Variants in CPM observed in about 807,000 individuals in gnomAD.
The protein encoded by CPM is carboxypeptidase M.
CPM carries 35 observed loss-of-function variants against 46.4 expected under a neutral mutation model. That is an observed-to-expected ratio of 0.75 (90% CI 0.58 to 1.00). The LOEUF (loss-of-function observed/expected upper bound fraction) is 1.00, where lower values mean the gene tolerates loss of function less well. Among genes scored for constraint, CPM ranks in the 50% least tolerant of loss-of-function variants. The probability of loss-of-function intolerance (pLI) is 0.00; values close to 1 mark genes in which losing one functional copy is unlikely to be tolerated. For missense variants in CPM, 422 were observed against 530.4 expected, an observed-to-expected ratio of 0.80 and a Z score of 2.01; for synonymous variants, 195 against 195.3, an observed-to-expected ratio of 1.00 and a Z score of 0.01.
At chr12:68,940,891 A>T (rs907832209) in intron 1 of CPM, among the ~76,000 whole-genome samples, 12 of 152,238 alleles carry the variant, frequency 7.9e-5, no homozygotes, top group Non-Finnish European at 1.8e-4. Flanking sequence ...TGTACAGTGC[A>T]GTTGTGTTAA....
intron 1 of CPM, 67 bp from the exon 2 acceptor site, chr12:68,932,907 C>T: frequency 1.4e-6 from 2 of 1,441,786 alleles, no homozygotes; most frequent in Non-Finnish European, 1.9e-6. Context: ...TCACCAGCTA[C>T]GTCTCGGTAC....
chr12:68,896,627 C>A (rs150634940), intron 2 of CPM, among the ~76,000 whole-genome samples: 2 of 152,076 alleles, frequency 1.3e-5, no homozygotes, highest in Admixed American at 1.3e-4. Flanking sequence ...CTGGAAAGAA[C>A]CCAGTTTTCT....
intron 2 of CPM, among the ~76,000 whole-genome samples, chr12:68,894,307 C>T (rs148008945): frequency 2.0e-5 from 3 of 152,148 alleles, no homozygotes; most frequent in Non-Finnish European, 4.4e-5. Flanking sequence ...CGGTGCCTGG[C>T]GCACTGTAGG....
At chr12:68,930,432 T>G (rs968236042) in intron 2 of CPM, among the ~76,000 whole-genome samples, 2 of 152,146 alleles carry the variant, frequency 1.3e-5, no homozygotes, top group East Asian at 1.9e-4. Context: ...GGCAGAATGG[T>G]TAGGGAAAAT....
chr12:68,958,455 G>A lies in CPM; in HGVS notation c.-4+4714C>T, dbSNP rs911703526. 2.0e-5 allele frequency among the ~76,000 whole-genome samples: 3 copies of A among 151,950 alleles called. No homozygotes were observed. The South Asian group carries it at 6.3e-4, about 32-fold the overall frequency. On this transcript the variant is annotated intron_variant, in intron 1 of 8. Coordinates refer to the CPM transcript ENST00000546373. ...TCCACCCCCAGCTTTTCTGTCGCAGGAAATGAAACCACCTTACACTGTTAC... is the reference window on the plus strand; with the variant it reads ...TCCACCCCCAGCTTTTCTGTCGCAGAAAATGAAACCACCTTACACTGTTAC...
chr12:68,860,785 G>A (rs1365090989), intron 7 of CPM, among the ~76,000 whole-genome samples: 2 of 152,136 alleles, frequency 1.3e-5, no homozygotes, highest in African/African-American at 4.8e-5. Context: ...CCTATGAAAT[G>A]GGGATAATAT....
At chr12:68,951,159 C>T (rs925334975) in intron 1 of CPM, among the ~76,000 whole-genome samples, 7 of 152,206 alleles carry the variant, frequency 4.6e-5, no homozygotes, top group African/African-American at 9.6e-5. Context: ...TCAACCTCTC[C>T]GAGCCTTACT....
intron 2 of CPM, among the ~76,000 whole-genome samples, chr12:68,908,800 C>T (rs1389327190): frequency 6.6e-6 from 1 of 152,088 alleles, no homozygotes; most frequent in African/African-American, 2.4e-5. Flanking sequence ...TTAAAAACTT[C>T]TGTAAGGCCA....
intron 1 of CPM, 113 bp from the exon 2 acceptor site, chr12:68,932,953 GCCT>G: frequency 1.1e-6 from 1 of 947,242 alleles, no homozygotes; most frequent in Non-Finnish European, 1.6e-6. Context: ...GACGCTCCCT[GCCT>G]CCTAAGGAGG....
intron 1 of CPM, among the ~76,000 whole-genome samples, chr12:68,962,887 C>T (rs1433847119): frequency 6.6e-6 from 1 of 152,228 alleles, no homozygotes; most frequent in Non-Finnish European, 1.5e-5. Flanking sequence ...TTTAAATCTC[C>T]CTGTGACCTG....
intron 3 of CPM, among the ~76,000 whole-genome samples, chr12:68,876,605 G>C (rs1315828117): frequency 6.6e-6 from 1 of 152,198 alleles, no homozygotes; most frequent in Admixed American, 6.5e-5. Flanking sequence ...AGACTTCAGG[G>C]AGAAGCCCTC....
intron 3 of CPM, among the ~76,000 whole-genome samples, chr12:68,877,365 G>A (rs1031765301): frequency 1.3e-5 from 2 of 152,164 alleles, no homozygotes; most frequent in African/African-American, 4.8e-5. Context: ...ATAAACTACT[G>A]TTGAAAATTC....
chr12:68,885,980 TC>T, intron 2 of CPM, 91 bp from the exon 3 acceptor site: 1 of 1,059,164 alleles, frequency 9.4e-7, no homozygotes, highest in Non-Finnish European at 1.4e-6. Context: ...GGATGCTGCT[TC>T]CCCCACTTGA....
Position 68,843,295 on chromosome 12 carries a change from T to TGAGA in CPM, c.534-970_534-967dup, listed in dbSNP as rs138844063. On this transcript the variant is annotated intron_variant, in intron 5 of 5. Coordinates refer to the CPM transcript ENST00000551897. ...AGTACTAATCCCTTTGGCCATTTATTGAGAGAGAGAGAGAGAGAGAGTAGG... is the reference window on the plus strand; with the variant it reads ...AGTACTAATCCCTTTGGCCATTTATTGAGAGAGAGAGAGAGAGAGAGAGAGTAGG... 1.4e-4 allele frequency: 31 copies of TGAGA among 219,156 alleles called. 1 individual carries two copies. The highest frequency in any genetic ancestry group is 5.9e-4 in the Admixed American group (10 of 17,032). The allele number at this position is 219,156 out of a possible 1,614,324, so 13.6% of individuals were successfully genotyped here. A position where few individuals can be genotyped will look rare whatever the true frequency, so the allele number is the denominator to read the frequency against.
chr12:68,907,016 C>T (rs1258387660), intron 2 of CPM, among the ~76,000 whole-genome samples: 1 of 152,216 alleles, frequency 6.6e-6, no homozygotes, highest in African/African-American at 2.4e-5. Context: ...TACCTGAAGG[C>T]ACGCTTCTCC....
At chr12:68,949,536 TTTC>T (rs1167789212) in intron 1 of CPM, among the ~76,000 whole-genome samples, 22 of 152,330 alleles carry the variant, frequency 1.4e-4, no homozygotes, top group African/African-American at 5.3e-4. Context: ...TAAGCTTCAG[TTTC>T]TTCTTTAGAA....
intron 1 of CPM, among the ~76,000 whole-genome samples, chr12:68,949,423 G>T (rs1162245982): frequency 6.6e-6 from 1 of 152,136 alleles, no homozygotes; most frequent in African/African-American, 2.4e-5. Context: ...AGTAGATAAG[G>T]ATTCAAATTC....
At chr12:68,872,048 T>C (rs1592646137) in intron 3 of CPM, 92 bp from the exon 4 acceptor site, 10 of 1,276,524 alleles carry the variant, frequency 7.8e-6, no homozygotes, top group Non-Finnish European at 9.9e-6. Flanking sequence ...TAGGGGTCTC[T>C]ACACATGATA....
At chr12:68,880,993 A>C (rs907094620) in intron 3 of CPM, among the ~76,000 whole-genome samples, 1 of 152,208 alleles carries the variant, frequency 6.6e-6, no homozygotes, top group African/African-American at 2.4e-5. Context: ...ATAAGAGAAT[A>C]CGTGAAATTC....
Sources: gnomAD v4.1 joint callset for allele counts (sites outside exome capture counted in the v4.1 genomes callset) on GRCh38, gnomAD v4.1.1 for gene constraint, MANE v1.5 for transcripts, NCBI Gene and HGNC (gene_info 2026-07-23, HGNC 2026-07-21) for gene names.